The following ANO6 variants were observed in gnomAD, a reference collection of about 807,000 sequenced individuals.
ANO6 encodes anoctamin-6.
Under a neutral mutation model 117.5 loss-of-function variants are expected in ANO6, and 106 were observed. That is an observed-to-expected ratio of 0.90 (90% CI 0.77 to 1.06). The LOEUF is 1.06. Ranked by LOEUF, ANO6 falls within the 50% of genes least tolerant of loss-of-function variation. ANO6 has a pLI of 0.00. For synonymous variants in ANO6, 367 were observed against 385.1 expected, an observed-to-expected ratio of 0.95 and a Z score of 0.55; for missense variants, 955 against 1,121.1, an observed-to-expected ratio of 0.85 and a Z score of 2.12.
rs762287813 is a variant in ANO6, at chr12:45,388,263, A to G, written c.1268A>G (p.Glu423Gly). 6.2e-7 allele frequency: 1 copy of G among 1,614,124 alleles called. No individual in the cohort carries two copies. The highest frequency in any genetic ancestry group is 8.5e-7 in the Non-Finnish European group (1 of 1,180,000). The change falls in exon 11 of 20, where the codon GAA becomes GGA. Residue 423 changes from glutamate (E) to glycine (G), a missense_variant. Coordinates refer to ENST00000320560, the MANE Select transcript of ANO6 (RefSeq NM_001025356.3). ...QQEEQARPEY[E>G]ARCTHVVINE... Reference sequence around the variant, plus strand: ...GAAGAACAAGCCCGACCAGAATACGAAGCACGATGTACTCACGTAGTGATA... The same window carrying G: ...GAAGAACAAGCCCGACCAGAATACGGAGCACGATGTACTCACGTAGTGATA...
chr12:45,283,588 A>G (rs1465771564), intron 1 of ANO6, among the ~76,000 whole-genome samples: 2 of 152,254 alleles, frequency 1.3e-5, no homozygotes, highest in African/African-American at 4.8e-5. Flanking sequence ...TAATGTTTCC[A>G]TGTAATAGCA....
intron 1 of ANO6, among the ~76,000 whole-genome samples, chr12:45,238,325 A>G (rs1399622928): frequency 2.6e-5 from 4 of 151,322 alleles, no homozygotes; most frequent in Admixed American, 6.6e-5. Context: ...TAATTTTTCT[A>G]TTTTTAGTAG....
At position 45,216,205 on chromosome 12, in the gene ANO6, A is replaced by T; in HGVS notation, c.-117A>T. On this transcript the variant is annotated 5_prime_UTR_variant, in exon 1 of 20. Coordinates refer to ENST00000320560, the MANE Select transcript of ANO6 (RefSeq NM_001025356.3). ...CGCTGGCTGGGCTCAGCGGCCCCTG[A>T]GCCCAAGCGACACACGCCCCGCGGT... The T allele has an allele frequency of 8.2e-7, 1 of 1,213,970 alleles. No individual in the cohort carries two copies. Among genetic ancestry groups the T allele is most frequent in the Admixed American group, 2.0e-5 (1 of 49,866 alleles). The allele number at this position is 1,213,970 out of a possible 1,614,324, so 75.2% of individuals were successfully genotyped here.
At chr12:45,354,370 G>C (rs745839662) in intron 7 of ANO6, among the ~76,000 whole-genome samples, 1 of 152,160 alleles carries the variant, frequency 6.6e-6, no homozygotes, top group Non-Finnish European at 1.5e-5. Context: ...GTAACTCTAT[G>C]TATGCTCAAA....
chr12:45,360,990 A>G (rs1031449252), intron 8 of ANO6, among the ~76,000 whole-genome samples: 82 of 152,290 alleles, frequency 5.4e-4, no homozygotes, highest in African/African-American at 1.9e-3. Flanking sequence ...GTAACTTTGT[A>G]AACTTCAAAT....
intron 1 of ANO6, among the ~76,000 whole-genome samples, chr12:45,233,188 A>G (rs1947599835): frequency 6.6e-6 from 1 of 152,196 alleles, no homozygotes; most frequent in African/African-American, 2.4e-5. Flanking sequence ...TGAGGGTGGA[A>G]AATACCTACT....
chr12:45,365,524 A>C (rs1941662035), intron 8 of ANO6, among the ~76,000 whole-genome samples: 1 of 152,194 alleles, frequency 6.6e-6, no homozygotes. Flanking sequence ...GTTTAAAAAG[A>C]ATGGCAAATC....
At chr12:45,378,389 C>G (rs1942085066) in intron 10 of ANO6, among the ~76,000 whole-genome samples, 1 of 152,092 alleles carries the variant, frequency 6.6e-6, no homozygotes, top group South Asian at 2.1e-4. Flanking sequence ...TGGGTTGGCT[C>G]AGCTGACTCT....
At position 45,223,952 on chromosome 12, in the gene ANO6, C is replaced by G. The variant is rs190883255; in HGVS notation, c.70+7561C>G. ...ACATAATGCCTAGTGGTTTTATGGC[C>G]CTAGTAGAATTTTCTTCTTCTGTGG... On this transcript the variant is annotated intron_variant, in intron 1 of 19. Transcript: ENST00000320560. Among the ~76,000 whole-genome samples, 166 of 152,140 alleles carry G rather than the reference C, an allele frequency of 1.1e-3. 1 individual carries two copies. Among genetic ancestry groups the G allele is most frequent in the Non-Finnish European group, 2.0e-3 (137 of 68,010 alleles).
intron 13 of ANO6, among the ~76,000 whole-genome samples, 200 bp from the exon 14 acceptor site, chr12:45,402,872 A>G (rs1467779401): frequency 6.6e-6 from 1 of 152,158 alleles, no homozygotes; most frequent in East Asian, 1.9e-4. Flanking sequence ...TCCTACTGTG[A>G]GGGAGAACTC....
chr12:45,317,480 C>A (rs1940089146), intron 2 of ANO6, among the ~76,000 whole-genome samples: 1 of 151,642 alleles, frequency 6.6e-6, no homozygotes, highest in African/African-American at 2.4e-5. Flanking sequence ...CATAGTATTC[C>A]ATGGTGTATA....
chr12:45,356,272 A>G (rs1941408882), intron 7 of ANO6, among the ~76,000 whole-genome samples: 1 of 152,160 alleles, frequency 6.6e-6, no homozygotes, highest in Admixed American at 6.5e-5. Context: ...TCCCTCTTTC[A>G]TTCTCACATG....
At chr12:45,281,708 A>T (rs770665258) in intron 1 of ANO6, among the ~76,000 whole-genome samples, 12 of 152,194 alleles carry the variant, frequency 7.9e-5, no homozygotes, top group Non-Finnish European at 1.3e-4. Flanking sequence ...TCAACAGGAG[A>T]TTTGAAGGAG....
At position 45,343,919 on chromosome 12, in the gene ANO6, C is replaced by T. The variant is rs114021087; in HGVS notation, c.280-3103C>T. ...TATTCTGCTTGGCCTGGCTTTGCATCACTAGCATTCAATTTGGAGCCTGGA... is the reference window on the plus strand; with the variant it reads ...TATTCTGCTTGGCCTGGCTTTGCATTACTAGCATTCAATTTGGAGCCTGGA... On this transcript the variant is annotated intron_variant, in intron 3 of 19. Coordinates refer to ENST00000320560, the MANE Select transcript of ANO6 (RefSeq NM_001025356.3). Among the ~76,000 whole-genome samples, 1,389 of 152,204 alleles carry T rather than the reference C, an allele frequency of 9.1e-3. 25 individuals are homozygous for T. The highest frequency in any genetic ancestry group is 0.032 in the African/African-American group (1,309 of 41,522).
At chr12:45,350,188 A>AT (rs1479426123) in intron 6 of ANO6, among the ~76,000 whole-genome samples, 1 of 152,210 alleles carries the variant, frequency 6.6e-6, no homozygotes, top group Non-Finnish European at 1.5e-5. Flanking sequence ...TCTGTATGTT[A>AT]TCACAGAATA....
chr12:45,313,788 T>A (rs151031510), intron 2 of ANO6, among the ~76,000 whole-genome samples: 2 of 152,124 alleles, frequency 1.3e-5, no homozygotes, highest in Non-Finnish European at 2.9e-5. Context: ...TAAATAAATA[T>A]GTTGAGCACT....
intron 8 of ANO6, among the ~76,000 whole-genome samples, chr12:45,359,586 GT>G (rs528792904): frequency 1.3e-3 from 193 of 152,216 alleles, no homozygotes; most frequent in African/African-American, 4.5e-3. Flanking sequence ...TTCACCTACT[GT>G]TTTCAAGGTT....
chr12:45,269,985 C>A (rs1938342163), intron 1 of ANO6, among the ~76,000 whole-genome samples: 1 of 152,212 alleles, frequency 6.6e-6, no homozygotes, highest in Non-Finnish European at 1.5e-5. Flanking sequence ...CTGAGGCCAC[C>A]TCCAGAGATC....
At chr12:45,401,701 TAC>T in intron 12 of ANO6, 92 bp from the exon 13 acceptor site, 4 of 1,034,294 alleles carry the variant, frequency 3.9e-6, no homozygotes, top group Non-Finnish European at 6.0e-6. Flanking sequence ...TACATCACTT[TAC>T]ACACACACCT....
Sources: gnomAD v4.1 joint callset for allele counts (sites outside exome capture counted in the v4.1 genomes callset) on GRCh38, gnomAD v4.1.1 for gene constraint, MANE v1.5 for transcripts, NCBI Gene and HGNC (gene_info 2026-07-23, HGNC 2026-07-21) for gene names.